Variants in INPP4B observed in about 807,000 individuals in gnomAD.
INPP4B encodes inositol polyphosphate-4-phosphatase type II B, also known as inositol polyphosphate 4-phosphatase type II.
Under a neutral mutation model 122.5 loss-of-function variants are expected in INPP4B, and 55 were observed. The observed-to-expected ratio is 0.45, with a 90% CI of 0.36 to 0.56. The LOEUF (loss-of-function observed/expected upper bound fraction) is 0.56, where lower values mean the gene tolerates loss of function less well. INPP4B is among the 20% of genes least tolerant of loss of function. INPP4B has a pLI of 0.00. For missense variants in INPP4B, 1,000 were observed against 1,097.7 expected (o/e 0.91, Z 1.26); for synonymous variants, 403 against 388.7 (o/e 1.04, Z -0.43).
At chr4:142,029,210 ATATATCTGCCTTTT>A in intron 25 of INPP4B, 3 of 1,057,378 alleles carry the variant, frequency 2.8e-6, no homozygotes, top group Non-Finnish European at 3.4e-6. Context: ...AGTTTCATAA[ATATATCTGCCTTTT>A]TATAACATTT....
Position 142,756,113 on chromosome 4 carries a change from G to A in INPP4B, c.-253-30212C>T, listed in dbSNP as rs1770479989. Among the ~76,000 whole-genome samples, 4 of 152,046 alleles carry A rather than the reference G, an allele frequency of 2.6e-5. No individual in the cohort carries two copies. The South Asian group carries it at 8.3e-4, about 31-fold the overall frequency. On this transcript the variant is annotated intron_variant, in intron 1 of 25. Coordinates refer to ENST00000262992, the MANE Select transcript of INPP4B (RefSeq NM_001101669.3). The stretch of plus-strand genomic sequence containing the variant: ...TGATATAGTGCAGGCGAATGAATGA[G>A]ACAAGAGAGGAAGTCTGATGAAAAG...
chr4:142,513,709 G>A (rs1825048528), intron 2 of INPP4B, among the ~76,000 whole-genome samples: 1 of 152,064 alleles, frequency 6.6e-6, no homozygotes, highest in African/African-American at 2.4e-5. Flanking sequence ...ACCTGGCCTG[G>A]GGGTCTCTTT....
chr4:142,400,533 G>A (rs1454812880), intron 7 of INPP4B, among the ~76,000 whole-genome samples: 2 of 152,008 alleles, frequency 1.3e-5, no homozygotes, highest in Non-Finnish European at 2.9e-5. Context: ...GAAAGAAAGG[G>A]GCAAAGATAA....
chr4:142,355,892 G>T (rs1783444187), intron 7 of INPP4B, among the ~76,000 whole-genome samples: 1 of 150,560 alleles, frequency 6.6e-6, no homozygotes, highest in African/African-American at 2.4e-5. Context: ...GGATAGCTTT[G>T]ATCACTTCTT....
At chr4:142,334,363 T>C (rs1399641924) in intron 7 of INPP4B, among the ~76,000 whole-genome samples, 1 of 152,226 alleles carries the variant, frequency 6.6e-6, no homozygotes, top group Non-Finnish European at 1.5e-5. Flanking sequence ...GATACTCGGA[T>C]TGTTTCCCTG....
chr4:142,349,484 T>C (rs913054177), intron 7 of INPP4B, among the ~76,000 whole-genome samples: 1 of 152,000 alleles, frequency 6.6e-6, no homozygotes, highest in Non-Finnish European at 1.5e-5. Flanking sequence ...TCTTAGCAAA[T>C]AGTTTGAAAC....
At chr4:142,641,092 G>A (rs1750295059) in intron 2 of INPP4B, among the ~76,000 whole-genome samples, 1 of 151,968 alleles carries the variant, frequency 6.6e-6, no homozygotes, top group Non-Finnish European at 1.5e-5. Context: ...TATCATAAAT[G>A]CACATACACG....
intron 2 of INPP4B, among the ~76,000 whole-genome samples, chr4:142,702,238 G>T (rs1761889533): frequency 1.3e-5 from 2 of 151,862 alleles, no homozygotes; most frequent in African/African-American, 4.8e-5. Context: ...GTTACAATTG[G>T]ACACAAAAGA....
At chr4:142,034,880 G>A (rs556847872) in intron 25 of INPP4B, among the ~76,000 whole-genome samples, 1 of 152,152 alleles carries the variant, frequency 6.6e-6, no homozygotes, top group East Asian at 1.9e-4. Context: ...TAGGCCTGCT[G>A]ATGAAGTTAA....
intron 2 of INPP4B, among the ~76,000 whole-genome samples, chr4:142,718,328 A>C (rs1413849415): frequency 6.6e-6 from 1 of 152,220 alleles, no homozygotes; most frequent in East Asian, 1.9e-4. Flanking sequence ...AGTGTAGTTA[A>C]AACAGTTTGT....
intron 1 of INPP4B, among the ~76,000 whole-genome samples, chr4:142,832,407 T>C (rs1323085852): frequency 6.6e-6 from 1 of 152,334 alleles, no homozygotes; most frequent in Non-Finnish European, 1.5e-5. Flanking sequence ...AGCATGTATA[T>C]GTTCAATAGA....
intron 1 of INPP4B, among the ~76,000 whole-genome samples, chr4:142,741,896 A>G (rs981365754): frequency 6.6e-6 from 1 of 151,806 alleles, no homozygotes; most frequent in Non-Finnish European, 1.5e-5. Flanking sequence ...GGAGGCATTT[A>G]CTCTTAAATT....
intron 2 of INPP4B, among the ~76,000 whole-genome samples, chr4:142,669,809 T>TG (rs75484606): frequency 0.025 from 3,844 of 152,288 alleles, 60 homozygotes; most frequent in Middle Eastern, 0.092. Flanking sequence ...GCCATAGCCA[T>TG]GGCTATTATC....
At chr4:142,326,886 T>C (rs998078080) in intron 7 of INPP4B, among the ~76,000 whole-genome samples, 3 of 152,182 alleles carry the variant, frequency 2.0e-5, no homozygotes, top group Non-Finnish European at 4.4e-5. Flanking sequence ...ATGAGAAAAC[T>C]GGGTTTCAGG....
At chr4:142,719,185 G>A (rs1764189858) in intron 2 of INPP4B, among the ~76,000 whole-genome samples, 1 of 152,060 alleles carries the variant, frequency 6.6e-6, no homozygotes, top group Non-Finnish European at 1.5e-5. Flanking sequence ...ACCTATGACT[G>A]ATTTCTAAAT....
intron 15 of INPP4B, among the ~76,000 whole-genome samples, chr4:142,182,476 A>T (rs1483963198): frequency 7.5e-6 from 1 of 133,980 alleles, no homozygotes; most frequent in East Asian, 2.4e-4. Flanking sequence ...TGAACCCGGG[A>T]GGCGGAGCTT....
chr4:142,435,647 G>T (rs1810304711), intron 3 of INPP4B, among the ~76,000 whole-genome samples: 1 of 152,238 alleles, frequency 6.6e-6, no homozygotes, highest in African/African-American at 2.4e-5. Flanking sequence ...AGGAAGAGCA[G>T]TGTGGTGTGG....
intron 11 of INPP4B, among the ~76,000 whole-genome samples, chr4:142,249,927 G>A (rs1269844592): frequency 6.6e-6 from 1 of 152,050 alleles, no homozygotes; most frequent in Non-Finnish European, 1.5e-5. Flanking sequence ...ACCTCCAATA[G>A]AAAATAGTTT....
At chr4:142,614,220 T>C (rs1743208862) in intron 2 of INPP4B, among the ~76,000 whole-genome samples, 1 of 151,968 alleles carries the variant, frequency 6.6e-6, no homozygotes, top group South Asian at 2.1e-4. Context: ...AGACTCTGTC[T>C]CAAAACAAAC....
Sources: allele counts gnomAD v4.1 joint callset (sites outside exome capture counted in the v4.1 genomes callset), GRCh38; gene constraint gnomAD v4.1.1; transcripts MANE v1.5; gene names NCBI Gene and HGNC (gene_info 2026-07-23, HGNC 2026-07-21).